The following ARL3 variants were observed in gnomAD, a reference collection of about 807,000 sequenced individuals.
ARL3 encodes the protein ARF like GTPase 3, also known as ADP-ribosylation factor-like protein 3.
Under a neutral mutation model 26.0 loss-of-function variants are expected in ARL3, and 9 were observed. The observed-to-expected ratio is 0.35, with a 90% CI of 0.21 to 0.60. The LOEUF (loss-of-function observed/expected upper bound fraction) is 0.60. Ranked by LOEUF, ARL3 falls within the 20% of genes least tolerant of loss-of-function variation. ARL3 has a pLI of 0.78. For synonymous variants in ARL3, 71 were observed against 78.4 expected (o/e 0.91, Z 0.50); for missense variants, 158 against 215.7 (o/e 0.73, Z 1.67).
At chr10:102,681,392 C>CA (rs11421481) in intron 5 of ARL3, among the ~76,000 whole-genome samples, 84,854 of 132,612 alleles carry the variant, frequency 0.64, 27,674 homozygotes, top group African/African-American at 0.75. Context: ...AACTCCATCT[C>CA]AAAAAAAAAA....
intron 2 of ARL3, among the ~76,000 whole-genome samples, chr10:102,700,341 A>G (rs1269694506): frequency 3.0e-4 from 42 of 138,260 alleles, no homozygotes; most frequent in African/African-American, 1.1e-3. Context: ...CCCTGGAGGC[A>G]GAGGTTGCAG....
intron 3 of ARL3, among the ~76,000 whole-genome samples, chr10:102,694,175 GA>G (rs2064235259): frequency 6.6e-6 from 1 of 151,176 alleles, no homozygotes; most frequent in South Asian, 2.1e-4. Context: ...ATTTTTTGTA[GA>G]GATGGGGTTT....
At chr10:102,711,132 AT>A (rs1234761025) in intron 1 of ARL3, among the ~76,000 whole-genome samples, 2 of 152,194 alleles carry the variant, frequency 1.3e-5, no homozygotes, top group African/African-American at 4.8e-5. Context: ...AAAGCTCAAA[AT>A]TGAGAACTTA....
rs181659506 is a variant in ARL3 at position 102,701,933 on chromosome 10, C to T, written c.148-2444G>A. 1.8e-4 allele frequency among the ~76,000 whole-genome samples: 28 copies of T among 151,732 alleles called. No homozygotes were observed. In the East Asian group the frequency reaches 5.4e-3, roughly 29 times the overall value. ...GGTTCAGTGGCTCACACCCATAATC[C>T]CAATTTTGGGAGACTGAGGCGGGAG... On this transcript the variant is annotated intron_variant, in intron 2 of 5. Coordinates refer to ENST00000260746, the MANE Select transcript of ARL3 (RefSeq NM_004311.4).
At chr10:102,686,542 C>A (rs2064187896) in intron 4 of ARL3, among the ~76,000 whole-genome samples, 1 of 150,428 alleles carries the variant, frequency 6.6e-6, no homozygotes, top group African/African-American at 2.5e-5. Flanking sequence ...CGGCTCACTG[C>A]AACCTTTCAC....
intron 5 of ARL3, among the ~76,000 whole-genome samples, chr10:102,684,205 G>A (rs111391187): frequency 0.018 from 2,689 of 152,190 alleles, 72 homozygotes; most frequent in African/African-American, 0.062. Flanking sequence ...CTGGAGTGCA[G>A]TAGTGCAATC....
chr10:102,705,287 C>T lies in ARL3; in HGVS notation c.147+59G>A, dbSNP rs1253890275. 3 of 1,484,544 alleles carry T rather than the reference C, an allele frequency of 2.0e-6. No individual in the cohort carries two copies. The Admixed American group carries it at 6.3e-5, about 31-fold the overall frequency. 92.0% of individuals were successfully genotyped at this position (1,484,544 alleles called of 1,614,324 possible). On this transcript the variant is annotated intron_variant, in intron 2 of 5. Transcript: ENST00000260746. ...AAACTGTATTTCCCATTTTGTCTTT[C>T]ACATTGCTATTATCGTCTTCCTGTG...
Position 102,675,444 on chromosome 10 carries a change from G to A in ARL3, c.*1450C>T, listed in dbSNP as rs1027225152. ...CTTGGGAAGGGCCACCTCCCAGGAT[G>A]AGAAGGCAGCTGGCCCCCAGGGACC... On this transcript the variant is annotated 3_prime_UTR_variant, in exon 6 of 6. Transcript: ENST00000260746. The A allele has an allele frequency of 5.3e-5, 8 of 152,344 alleles. No homozygotes were observed. Among genetic ancestry groups the A allele is most frequent in the Admixed American group, 6.5e-5 (1 of 15,280 alleles). The allele number at this position is 152,344 out of a possible 1,614,324, so 9.4% of individuals were successfully genotyped here.
At chr10:102,702,412 T>G (rs2064284807) in intron 2 of ARL3, among the ~76,000 whole-genome samples, 1 of 152,192 alleles carries the variant, frequency 6.6e-6, no homozygotes, top group South Asian at 2.1e-4. Flanking sequence ...CAATGAGCAT[T>G]TATTACTTTT....
chr10:102,677,049 C>A, intron 5 of ARL3, 108 bp from the exon 6 acceptor site: 2 of 1,291,318 alleles, frequency 1.5e-6, no homozygotes, highest in Non-Finnish European at 2.2e-6. Context: ...CCTCCCAGAC[C>A]GCCAGCTTTA....
rs2064322464 is a variant in ARL3 at position 102,708,797 on chromosome 10, A to G, written c.4-3308T>C. On this transcript the variant is annotated intron_variant, in intron 1 of 5. Transcript: ENST00000260746. ...CTTAAACCCAGGAGGTAGAGGTTGC[A>G]GTGAGCCAAGATCATGCCTCTGCAC... Among the ~76,000 whole-genome samples the G allele has an allele frequency of 2.0e-5, 3 of 151,496 alleles. No homozygotes were observed. In the South Asian group the frequency reaches 6.2e-4, roughly 31 times the overall value.
intron 5 of ARL3, among the ~76,000 whole-genome samples, chr10:102,682,788 G>T (rs1388841411): frequency 7.9e-5 from 12 of 152,110 alleles, no homozygotes; most frequent in Admixed American, 3.9e-4. Flanking sequence ...AGAAATTCCA[G>T]GTCCTTTTTT....
At chr10:102,712,202 C>T (rs1052843917) in intron 1 of ARL3, among the ~76,000 whole-genome samples, 1 of 151,680 alleles carries the variant, frequency 6.6e-6, no homozygotes, top group African/African-American at 2.4e-5. Context: ...CACAGTTACC[C>T]AAATTTGAAA....
chr10:102,714,251 G>A, intron 1 of ARL3, 22 bp downstream of exon 1: 2 of 1,313,322 alleles, frequency 1.5e-6, no homozygotes, highest in Non-Finnish European at 2.0e-6. Context: ...GGCTCCAAGG[G>A]GGCCCAGGCC....
chr10:102,678,202 C>T (rs920956322), intron 5 of ARL3, among the ~76,000 whole-genome samples: 2 of 151,878 alleles, frequency 1.3e-5, no homozygotes, highest in African/African-American at 2.4e-5. Flanking sequence ...GCCGGTGGCG[C>T]CGAAAGCCCG....
rs990517204 is a variant in ARL3, at chr10:102,696,244, G to A, written c.264+3129C>T. 7.4e-5 allele frequency among the ~76,000 whole-genome samples: 11 copies of A among 148,446 alleles called. No homozygotes were observed. The East Asian group carries it at 1.8e-3, about 24-fold the overall frequency. ...CTCCCAAAGTGCTGGGATTACAAGC[G>A]TTAGCCACAGAGCCTGGCCAACATT... On this transcript the variant is annotated intron_variant, in intron 3 of 5. Coordinates refer to ENST00000260746, the MANE Select transcript of ARL3 (RefSeq NM_004311.4).
chr10:102,678,030 C>CA (rs909031291), intron 5 of ARL3, among the ~76,000 whole-genome samples: 3 of 152,118 alleles, frequency 2.0e-5, no homozygotes, highest in Non-Finnish European at 2.9e-5. Flanking sequence ...TACATCACTG[C>CA]AAAAAAACAA....
intron 4 of ARL3, among the ~76,000 whole-genome samples, chr10:102,688,256 G>A (rs2064197829): frequency 6.6e-6 from 1 of 152,186 alleles, no homozygotes; most frequent in South Asian, 2.1e-4. Context: ...AAAGAGAACT[G>A]TATGGATCAA....
At chr10:102,680,903 T>C (rs1350493489) in intron 5 of ARL3, among the ~76,000 whole-genome samples, 4 of 152,152 alleles carry the variant, frequency 2.6e-5, no homozygotes, top group African/African-American at 9.7e-5. Flanking sequence ...AGTTTTTTTT[T>C]CTGGTGACAA....
Sources: gnomAD v4.1 joint callset for allele counts (sites outside exome capture counted in the v4.1 genomes callset) on GRCh38, gnomAD v4.1.1 for gene constraint, MANE v1.5 for transcripts, NCBI Gene and HGNC (gene_info 2026-07-23, HGNC 2026-07-21) for gene names.